The following LATS2 variants were observed in gnomAD, a reference collection of about 807,000 sequenced individuals.
The protein encoded by LATS2 is serine/threonine-protein kinase LATS2.
A neutral mutation model predicts 76.0 loss-of-function variants in LATS2; 24 were observed. The ratio of observed to expected loss-of-function variants is 0.32; its 90% CI spans 0.23 to 0.44. The LOEUF is 0.44. Ranked by LOEUF, LATS2 falls within the 20% of genes least tolerant of loss-of-function variation. The pLI, the probability that LATS2 is intolerant of heterozygous loss-of-function variation, is 1.00. For synonymous variants in LATS2, 692 were observed against 635.4 expected (o/e 1.09, Z -1.34); for missense variants, 1,286 against 1,481.2 (o/e 0.87, Z 2.16).
chr13:21,011,885 G>C (rs1481880646), intron 2 of LATS2, among the ~76,000 whole-genome samples: 3 of 152,200 alleles, frequency 2.0e-5, no homozygotes, highest in Non-Finnish European at 1.5e-5. Flanking sequence ...ATTGTTCCTG[G>C]CTACAAACCA....
intron 4 of LATS2, 50 bp from the exon 5 acceptor site, chr13:20,983,856 T>A (rs763426034): frequency 7.1e-7 from 1 of 1,413,492 alleles, no homozygotes; most frequent in Non-Finnish European, 9.7e-7. Flanking sequence ...AGAAGTCCCA[T>A]GATAACAAAT....
chr13:21,031,835 G>A (rs981997287), intron 2 of LATS2, among the ~76,000 whole-genome samples: 36 of 152,134 alleles, frequency 2.4e-4, no homozygotes, highest in African/African-American at 7.7e-4. Flanking sequence ...CGGCCTGGGT[G>A]ACAGAGCAAG....
At position 21,046,226 on chromosome 13, in the gene LATS2, A is replaced by C; in HGVS notation, c.-200T>G. 2.2e-6 allele frequency: 1 copy of C among 465,098 alleles called. No homozygotes were observed. Among genetic ancestry groups the C allele is most frequent in the Non-Finnish European group, 3.8e-6 (1 of 263,696 alleles). The allele number at this position is 465,098 out of a possible 1,614,324, so 28.8% of individuals were successfully genotyped here. On this transcript the variant is annotated 5_prime_UTR_variant, in exon 2 of 8. Coordinates refer to ENST00000382592, the MANE Select transcript of LATS2 (RefSeq NM_014572.3). Reference sequence around the variant, plus strand: ...CAAAGTCTTCATTTTGAAGATTATCACTCTCTGAAAAAGAAAATAAATGGG... The same window carrying C: ...CAAAGTCTTCATTTTGAAGATTATCCCTCTCTGAAAAAGAAAATAAATGGG...
rs1555226885 is a variant in LATS2 at position 21,030,607 on chromosome 13, A to AAAG, written c.342+15077_342+15078insCTT. On this transcript the variant is annotated intron_variant, in intron 2 of 7. Transcript: ENST00000382592. ...ACTCCGTCTCAAAAAAAAAAAAAAAAAAAAGAAAAAAAAAAAGAAAAAGAA... is the reference window on the plus strand; with the variant it reads ...ACTCCGTCTCAAAAAAAAAAAAAAAAAAGAAAAGAAAAAAAAAAAGAAAAAGAA... 6.6e-3 allele frequency among the ~76,000 whole-genome samples: 812 copies of AAAG among 122,522 alleles called. 24 individuals carry two copies. The highest frequency in any genetic ancestry group is 9.8e-3 in the Non-Finnish European group (603 of 61,500). The allele number at this position is 122,522 out of a possible 152,430, so 80.4% of individuals were successfully genotyped here.
At chr13:20,992,265 G>A (rs1438837337) in intron 2 of LATS2, among the ~76,000 whole-genome samples, 1 of 152,160 alleles carries the variant, frequency 6.6e-6, no homozygotes, top group African/African-American at 2.4e-5. Context: ...GGAGATGGGG[G>A]GATGGACCCA....
In LATS2 at chr13:20,983,328, T is replaced by A. The variant is rs201272637; in HGVS notation, c.2378A>T (p.Lys793Met). 1.9e-6 allele frequency: 3 copies of A among 1,614,164 alleles called. No homozygotes were observed. Among genetic ancestry groups the A allele is most frequent in the Non-Finnish European group, 2.5e-6 (3 of 1,180,028 alleles). ...CAGATCTATCAAAATGTTATCAGGC[T>A]TGATGTCTCGGTGGATGAAGCCCAT... ...HKMGFIHRDI[K>M]PDNILIDLDG... is the part of the protein sequence containing the mutation. Residue 793 changes from lysine to methionine, a missense_variant, in exon 5 of 8, where the codon AAG becomes ATG. Transcript: ENST00000382592.
chr13:21,042,945 C>T (rs1233341923), intron 2 of LATS2, among the ~76,000 whole-genome samples: 2 of 151,298 alleles, frequency 1.3e-5, no homozygotes, highest in Non-Finnish European at 1.5e-5. Context: ...GATTGCGCCA[C>T]TGCACTCCAG....
At chr13:21,045,024 T>C (rs1372780929) in intron 2 of LATS2, among the ~76,000 whole-genome samples, 2 of 152,040 alleles carry the variant, frequency 1.3e-5, no homozygotes, top group African/African-American at 4.8e-5. Context: ...ACCACACTCA[T>C]CTCTGTAAGC....
At chr13:20,984,280 A>T (rs1268351311) in intron 4 of LATS2, among the ~76,000 whole-genome samples, 1 of 151,768 alleles carries the variant, frequency 6.6e-6, no homozygotes, top group Non-Finnish European at 1.5e-5. Context: ...ATGGAATGAA[A>T]AGTTAAGATA....
intron 1 of LATS2, among the ~76,000 whole-genome samples, chr13:21,047,715 AAAG>A (rs1383052015): frequency 1.3e-5 from 2 of 152,144 alleles, no homozygotes; most frequent in South Asian, 2.1e-4. Context: ...AAAAAAAAAA[AAAG>A]GATAGCTAAT....
At chr13:20,996,205 C>G (rs1484760813) in intron 2 of LATS2, among the ~76,000 whole-genome samples, 2 of 152,124 alleles carry the variant, frequency 1.3e-5, no homozygotes, top group African/African-American at 4.8e-5. Flanking sequence ...CTCCATGCCA[C>G]CTGCTGCAAG....
rs1404968191 is a variant in LATS2 at position 20,988,647 on chromosome 13, C to G, written c.1133G>C (p.Arg378Pro). The change falls in exon 4 of 8, where the codon CGG becomes CCG. Residue 378 changes from arginine (R) to proline (P), a missense_variant. This residue lies in a region of LATS2 where 710 missense variants were observed against 660.9 expected (regional missense o/e 1.07). Transcript: ENST00000382592. ...QQWPAATLAR[R>P]DSLQKPGLEA... Reference sequence around the variant, plus strand: ...CAGGCCCGGCTTCTGCAGGGAGTCCCGGCGGGCCAGGGTGGCAGCCGGCCA... The same window carrying G: ...CAGGCCCGGCTTCTGCAGGGAGTCCGGGCGGGCCAGGGTGGCAGCCGGCCA... The G allele has an allele frequency of 6.3e-7, 1 of 1,582,608 alleles. No homozygotes were observed. Among genetic ancestry groups the G allele is most frequent in the Non-Finnish European group, 8.5e-7 (1 of 1,173,506 alleles).
chr13:21,040,334 G>T (rs1872825592), intron 2 of LATS2, among the ~76,000 whole-genome samples: 2 of 148,998 alleles, frequency 1.3e-5, no homozygotes, highest in South Asian at 4.2e-4. Flanking sequence ...AGTGAGCCGA[G>T]ATTGCGCCAC....
chr13:20,983,276 G>A lies in LATS2; in HGVS notation c.2430C>T (p.Phe810=), dbSNP rs781089418. 87 of 1,613,876 alleles carry A rather than the reference G, an allele frequency of 5.4e-5. 1 individual carries two copies. Among genetic ancestry groups the A allele is most frequent in the Admixed American group, 3.8e-4 (23 of 59,974 alleles). Residue 810 remains phenylalanine, a synonymous_variant, in exon 5 of 8, where the codon TTC becomes TTT. Transcript: ENST00000382592. ...DLDGHIKLTD[F]GLCTGFRWTH... ...TCCACCTGAACCCAGTGCAGAGGCCGAAATCTGTGAGTTTAATGTGACCAT... is the reference window on the plus strand; with the variant it reads ...TCCACCTGAACCCAGTGCAGAGGCCAAAATCTGTGAGTTTAATGTGACCAT...
chr13:21,000,120 G>A (rs1325965659), intron 2 of LATS2, among the ~76,000 whole-genome samples: 1 of 152,158 alleles, frequency 6.6e-6, no homozygotes, highest in African/African-American at 2.4e-5. Context: ...GGTGGCTCAC[G>A]CCTGTAATCC....
intron 2 of LATS2, among the ~76,000 whole-genome samples, chr13:21,007,545 GTATA>G (rs71090549): frequency 0.11 from 395 of 3,596 alleles, 34 homozygotes; most frequent in East Asian, 0.18. Context: ...TATATATATA[GTATA>G]TATATATATA....
At chr13:21,048,094 A>G (rs969666846) in intron 1 of LATS2, among the ~76,000 whole-genome samples, 7 of 152,192 alleles carry the variant, frequency 4.6e-5, no homozygotes, top group African/African-American at 1.7e-4. Context: ...AGAAGCCTAG[A>G]GCTCTGCTTA....
intron 2 of LATS2, among the ~76,000 whole-genome samples, chr13:21,001,237 C>T (rs906127124): frequency 6.6e-6 from 1 of 152,220 alleles, no homozygotes; most frequent in African/African-American, 2.4e-5. Flanking sequence ...GCACATTCCA[C>T]AGAAACTTAA....
chr13:20,990,877 A>G (rs1870478543), intron 3 of LATS2, among the ~76,000 whole-genome samples: 1 of 152,324 alleles, frequency 6.6e-6, no homozygotes, highest in South Asian at 2.1e-4. Flanking sequence ...GGTGTGTTTT[A>G]GAATTGAGGA....
Sources: gnomAD v4.1 joint callset for allele counts (sites outside exome capture counted in the v4.1 genomes callset) on GRCh38, gnomAD v4.1.1 for gene constraint, gnomAD v4.1.1 regional missense constraint, MANE v1.5 for transcripts, NCBI Gene and HGNC (gene_info 2026-07-23, HGNC 2026-07-21) for gene names.